The following CSGALNACT1 variants were observed in gnomAD, a reference collection of about 807,000 sequenced individuals.
The protein encoded by CSGALNACT1 is beta4GalNAcT-1.
A neutral mutation model predicts 51.0 loss-of-function variants in CSGALNACT1; 52 were observed. The ratio of observed to expected loss-of-function variants is 1.02; its 90% CI spans 0.82 to 1.29. The LOEUF is 1.29. Among genes scored for constraint, CSGALNACT1 ranks in the 50% most tolerant of loss-of-function variants. The probability of loss-of-function intolerance (pLI) is 0.00; values close to 1 mark genes in which losing one functional copy is unlikely to be tolerated. For missense variants in CSGALNACT1, 935 were observed against 679.2 expected, an observed-to-expected ratio of 1.38 and a Z score of -4.19; for synonymous variants, 341 against 254.4, an observed-to-expected ratio of 1.34 and a Z score of -3.24.
chr8:19,609,602 T>A (rs1367251089), intron 1 of CSGALNACT1, among the ~76,000 whole-genome samples: 2 of 150,950 alleles, frequency 1.3e-5, no homozygotes, highest in Non-Finnish European at 2.9e-5. Flanking sequence ...ACATACTGTA[T>A]GATTCCATTC....
chr8:19,492,731 G>A (rs1267019276), intron 4 of CSGALNACT1, among the ~76,000 whole-genome samples: 3 of 152,202 alleles, frequency 2.0e-5, no homozygotes, highest in Admixed American at 6.5e-5. Context: ...GCATAATGCT[G>A]CCAGTTATTA....
chr8:19,737,889 T>C (rs902109960), intron 1 of CSGALNACT1, among the ~76,000 whole-genome samples: 1 of 152,154 alleles, frequency 6.6e-6, no homozygotes, highest in African/African-American at 2.4e-5. Context: ...GGCTAGGAGA[T>C]GGATAAACAC....
At chr8:19,418,540 C>G in intron 8 of CSGALNACT1, 116 bp downstream of exon 7, 1 of 767,108 alleles carries the variant, frequency 1.3e-6, no homozygotes, top group Non-Finnish European at 2.3e-6. Context: ...AACGTAAAAA[C>G]TACTAAGGGA....
intron 1 of CSGALNACT1, among the ~76,000 whole-genome samples, chr8:19,709,865 G>A (rs1162790869): frequency 6.6e-6 from 1 of 152,114 alleles, no homozygotes; most frequent in Admixed American, 6.5e-5. Context: ...GAGCTCTAGG[G>A]CACTCTGGGA....
At chr8:19,435,752 G>T (rs2060277256) in intron 6 of CSGALNACT1, among the ~76,000 whole-genome samples, 1 of 152,130 alleles carries the variant, frequency 6.6e-6, no homozygotes, top group African/African-American at 2.4e-5. Context: ...ATTAACTGAA[G>T]CTTGGAAAAA....
intron 1 of CSGALNACT1, among the ~76,000 whole-genome samples, chr8:19,661,501 G>C (rs1170640056): frequency 6.6e-6 from 1 of 152,196 alleles, no homozygotes; most frequent in Non-Finnish European, 1.5e-5. Context: ...TATGAGGGTT[G>C]GTATTCTGGC....
At chr8:19,552,854 G>C (rs74840437) in intron 3 of CSGALNACT1, among the ~76,000 whole-genome samples, 291 of 152,270 alleles carry the variant, frequency 1.9e-3, no homozygotes, top group African/African-American at 6.4e-3. Context: ...CCTCCCAAGT[G>C]AACTGCAAAC....
chr8:19,527,199 G>C (rs569623169), intron 3 of CSGALNACT1, among the ~76,000 whole-genome samples: 2 of 152,274 alleles, frequency 1.3e-5, no homozygotes, highest in South Asian at 4.2e-4. Flanking sequence ...AGGAACAAAG[G>C]GGACATAGAT....
chr8:19,473,072 C>G (rs2068579483), intron 4 of CSGALNACT1, among the ~76,000 whole-genome samples: 1 of 152,150 alleles, frequency 6.6e-6, no homozygotes, highest in Admixed American at 6.5e-5. Context: ...AAGTACTTCA[C>G]TTGCTCTACC....
chr8:19,537,553 G>A (rs1563950786), intron 3 of CSGALNACT1, among the ~76,000 whole-genome samples: 1 of 152,166 alleles, frequency 6.6e-6, no homozygotes. Flanking sequence ...CACTCAAAGT[G>A]TCTGCTTTTG....
intron 3 of CSGALNACT1, among the ~76,000 whole-genome samples, chr8:19,508,846 C>T (rs192542070): frequency 1.3e-3 from 191 of 152,262 alleles, no homozygotes; most frequent in African/African-American, 4.5e-3. Flanking sequence ...TATTTAAAAA[C>T]TAAATCGGTG....
At chr8:19,437,935 T>C (rs2060647334) in intron 6 of CSGALNACT1, among the ~76,000 whole-genome samples, 1 of 152,212 alleles carries the variant, frequency 6.6e-6, no homozygotes, top group Non-Finnish European at 1.5e-5. Context: ...GAATTCACCT[T>C]GCCAGGTAAT....
At position 19,711,013 on chromosome 8, in the gene CSGALNACT1, C is replaced by T. The variant is rs374412277; in HGVS notation, c.-297+46837G>A. 1.1e-3 allele frequency among the ~76,000 whole-genome samples: 168 copies of T among 152,168 alleles called. 3 individuals are homozygous for T. The highest frequency in any genetic ancestry group is 3.9e-3 in the African/African-American group (161 of 41,512). ...GGAAGATTGGCCCTGTGGTTCATTG[C>T]CCCACCCACCCCCTGCTGCTATTCT... On this transcript the variant is annotated intron_variant, in intron 1 of 1. Coordinates refer to the CSGALNACT1 transcript ENST00000517494.
intron 1 of CSGALNACT1, among the ~76,000 whole-genome samples, chr8:19,731,087 A>G (rs1187648398): frequency 6.6e-6 from 1 of 152,192 alleles, no homozygotes; most frequent in Non-Finnish European, 1.5e-5. Flanking sequence ...AACAGCTGCT[A>G]AAGATGGCTG....
chr8:19,493,012 G>T (rs1435903946), intron 4 of CSGALNACT1, among the ~76,000 whole-genome samples: 3 of 149,200 alleles, frequency 2.0e-5, no homozygotes, highest in African/African-American at 7.4e-5. Flanking sequence ...GTGAGAAAGA[G>T]AATCGACATC....
chr8:19,598,586 G>C (rs989878102), intron 2 of CSGALNACT1, among the ~76,000 whole-genome samples: 2 of 152,078 alleles, frequency 1.3e-5, no homozygotes, highest in Non-Finnish European at 2.9e-5. Flanking sequence ...GATTGCGTCA[G>C]CTACTATTTT....
intron 1 of CSGALNACT1, among the ~76,000 whole-genome samples, chr8:19,663,216 C>T (rs137931224): frequency 1.8e-3 from 268 of 152,210 alleles, no homozygotes; most frequent in African/African-American, 6.1e-3. Context: ...GATAACTACA[C>T]TTGTGAAGAT....
chr8:19,667,334 C>G (rs1030598731), intron 1 of CSGALNACT1, among the ~76,000 whole-genome samples: 5 of 151,522 alleles, frequency 3.3e-5, no homozygotes, highest in African/African-American at 1.2e-4. Flanking sequence ...ACTCAGGAGG[C>G]TGAGGTTAGG....
Position 19,667,038 on chromosome 8 carries a change from AGG to A in CSGALNACT1, c.-544+15433_-544+15434del, listed in dbSNP as rs1564386889. Among the ~76,000 whole-genome samples the A allele has an allele frequency of 2.8e-4, 13 of 46,966 alleles. 1 individual carries two copies. Among genetic ancestry groups the A allele is most frequent in the African/African-American group, 7.7e-4 (6 of 7,762 alleles). The allele number at this position is 46,966 out of a possible 152,430, so 30.8% of individuals were successfully genotyped here. ...AAGAAAGGAAGGAAGGAAGGAAGGA[AGG>A]AAGAAAGAAAGAAAGAAAGAAAGAA... On this transcript the variant is annotated intron_variant, in intron 1 of 9. Transcript: ENST00000332246.
Sources: allele counts gnomAD v4.1 joint callset (sites outside exome capture counted in the v4.1 genomes callset), GRCh38; gene constraint gnomAD v4.1.1; transcripts MANE v1.5; gene names NCBI Gene and HGNC (gene_info 2026-07-23, HGNC 2026-07-21).